Variants in FSTL4 observed in about 807,000 individuals in gnomAD.
The protein encoded by FSTL4 is follistatin-related protein 4.
In FSTL4, 28 loss-of-function variants were observed where a neutral mutation model predicts 78.2. The observed-to-expected ratio is 0.36, with a 90% CI of 0.27 to 0.49. The LOEUF is 0.49. Ranked by LOEUF, FSTL4 falls within the 20% of genes least tolerant of loss-of-function variation. The probability of loss-of-function intolerance (pLI) is 0.98; values close to 1 mark genes in which losing one functional copy is unlikely to be tolerated. For synonymous variants in FSTL4, 422 were observed against 440.5 expected (o/e 0.96, Z 0.53); for missense variants, 922 against 1,084.9 (o/e 0.85, Z 2.11).
intron 6 of FSTL4, among the ~76,000 whole-genome samples, chr5:133,294,007 C>T (rs566376252): frequency 3.2e-4 from 48 of 152,282 alleles, no homozygotes; most frequent in Non-Finnish European, 2.6e-4. Context: ...TCTGTTCTTA[C>T]GCTTAGGCTG....
At chr5:133,364,048 T>C (rs1324386451) in intron 4 of FSTL4, among the ~76,000 whole-genome samples, 1 of 152,194 alleles carries the variant, frequency 6.6e-6, no homozygotes, top group Non-Finnish European at 1.5e-5. Context: ...TGGGGACAGA[T>C]CTTTAAATAA....
chr5:133,217,220 G>A lies in FSTL4; in HGVS notation c.1608+9C>T. On this transcript the variant is annotated intron_variant, in intron 13 of 15. Coordinates refer to ENST00000265342, the MANE Select transcript of FSTL4 (RefSeq NM_015082.2). ...TTGAAGTTTTCCTCACTCCATTAAAGAGGTGTACCTGTAGGACTTTCTGGG... is the reference window on the plus strand; with the variant it reads ...TTGAAGTTTTCCTCACTCCATTAAAAAGGTGTACCTGTAGGACTTTCTGGG... 2 of 1,609,764 alleles carry A rather than the reference G, an allele frequency of 1.2e-6. No individual in the cohort carries two copies. The highest frequency in any genetic ancestry group is 8.5e-7 in the Non-Finnish European group (1 of 1,177,278).
intron 4 of FSTL4, among the ~76,000 whole-genome samples, chr5:133,316,948 T>C (rs1753920644): frequency 1.3e-5 from 2 of 152,218 alleles, no homozygotes; most frequent in African/African-American, 4.8e-5. Flanking sequence ...GACTGCCAGA[T>C]GGAATGGGAA....
At chr5:133,399,104 AGG>A (rs1365004275) in intron 4 of FSTL4, among the ~76,000 whole-genome samples, 4 of 152,136 alleles carry the variant, frequency 2.6e-5, no homozygotes, top group African/African-American at 9.7e-5. Flanking sequence ...ATGGTGAGGG[AGG>A]GTGTGCACAC....
At chr5:133,427,598 C>T (rs755894184) in intron 3 of FSTL4, 10 of 511,590 alleles carry the variant, frequency 2.0e-5, no homozygotes, top group Middle Eastern at 4.1e-4. Context: ...GCGGGAATGG[C>T]GGGGGCGATA....
the FSTL4 span, among the ~76,000 whole-genome samples, chr5:133,764,190 C>T: frequency 6.6e-6 from 1 of 152,220 alleles, no homozygotes; most frequent in Non-Finnish European, 1.5e-5. Context: ...TTGGTGAACA[C>T]TGCCTTTTCC....
At chr5:133,830,550 T>C in the FSTL4 span, among the ~76,000 whole-genome samples, 1 of 152,174 alleles carries the variant, frequency 6.6e-6, no homozygotes, top group African/African-American at 2.4e-5. Flanking sequence ...ACAAATGCTT[T>C]CTCAGCAAGC....
upstream of FSTL4, among the ~76,000 whole-genome samples, chr5:133,614,832 C>G (rs1327497275): frequency 6.6e-6 from 1 of 152,124 alleles, no homozygotes; most frequent in Admixed American, 6.6e-5. Flanking sequence ...CAGTTACTGC[C>G]CCCCAGCCCC....
chr5:133,784,893 G>A, the FSTL4 span, among the ~76,000 whole-genome samples: 2 of 152,122 alleles, frequency 1.3e-5, no homozygotes, highest in Non-Finnish European at 2.9e-5. Flanking sequence ...TTGTGAAATG[G>A]TGACTTTGGC....
intron 3 of FSTL4, among the ~76,000 whole-genome samples, chr5:133,437,278 G>A (rs1011846245): frequency 6.6e-6 from 1 of 152,126 alleles, no homozygotes; most frequent in Admixed American, 6.5e-5. Context: ...CTGGAAATCA[G>A]AGCAGAGGTC....
At chr5:133,349,261 T>G (rs1754766308) in intron 4 of FSTL4, among the ~76,000 whole-genome samples, 1 of 151,100 alleles carries the variant, frequency 6.6e-6, no homozygotes. Flanking sequence ...AAAGATGGAG[T>G]GCAAGGGTGC....
intron 4 of FSTL4, among the ~76,000 whole-genome samples, chr5:133,381,980 A>G (rs183729217): frequency 6.2e-4 from 94 of 152,336 alleles, no homozygotes; most frequent in African/African-American, 2.2e-3. Flanking sequence ...TGGGGGTTTA[A>G]GTGAATGTGT....
chr5:133,209,048 C>A (rs1290394404), intron 14 of FSTL4, among the ~76,000 whole-genome samples: 2 of 152,310 alleles, frequency 1.3e-5, no homozygotes, highest in Middle Eastern at 3.4e-3. Context: ...CTTGAATTTT[C>A]TGAAGTGCTT....
At chr5:133,788,907 G>T in the FSTL4 span, among the ~76,000 whole-genome samples, 3 of 152,170 alleles carry the variant, frequency 2.0e-5, no homozygotes, top group Non-Finnish European at 4.4e-5. Context: ...TTGGAAGAAG[G>T]TGTTCTCAGG....
At chr5:133,643,405 G>A in the FSTL4 span, among the ~76,000 whole-genome samples, 3 of 152,274 alleles carry the variant, frequency 2.0e-5, no homozygotes, top group East Asian at 5.8e-4. Context: ...GCTCTTCAGA[G>A]CTTCCTGAGG....
chr5:133,593,114 A>C (rs912706923), intron 2 of FSTL4, among the ~76,000 whole-genome samples: 1 of 152,058 alleles, frequency 6.6e-6, no homozygotes, highest in Non-Finnish European at 1.5e-5. Flanking sequence ...GGAAGCTGGG[A>C]GTCTCTAAGT....
the FSTL4 span, among the ~76,000 whole-genome samples, chr5:133,637,234 C>A: frequency 6.6e-6 from 1 of 151,896 alleles, no homozygotes; most frequent in East Asian, 1.9e-4. Flanking sequence ...CTTGTGCTTG[C>A]CCTTTCTTCT....
chr5:133,599,083 G>C (rs931192444), intron 2 of FSTL4, among the ~76,000 whole-genome samples: 1 of 152,176 alleles, frequency 6.6e-6, no homozygotes, highest in East Asian at 1.9e-4. Flanking sequence ...GGGTGGTGGG[G>C]AGAATTTTAT....
intron 11 of FSTL4, among the ~76,000 whole-genome samples, chr5:133,223,653 C>T (rs1305244899): frequency 1.3e-5 from 2 of 152,198 alleles, no homozygotes; most frequent in Non-Finnish European, 1.5e-5. Flanking sequence ...CACTTTGATG[C>T]ACAAAAATGG....
Sources: allele counts gnomAD v4.1 joint callset (sites outside exome capture counted in the v4.1 genomes callset), GRCh38; gene constraint gnomAD v4.1.1; transcripts MANE v1.5; gene names NCBI Gene and HGNC (gene_info 2026-07-23, HGNC 2026-07-21).